DNAJA4: variants seen among roughly 807,000 people sequenced by gnomAD.
DNAJA4 encodes dnaJ homolog subfamily A member 4.
A neutral mutation model predicts 39.7 loss-of-function variants in DNAJA4; 32 were observed. The observed-to-expected ratio is 0.81, with a 90% confidence interval of 0.61 to 1.08. The LOEUF (loss-of-function observed/expected upper bound fraction) is 1.08. Ranked by LOEUF, DNAJA4 falls within the 50% of genes least tolerant of loss-of-function variation. The pLI, the probability that DNAJA4 is intolerant of heterozygous loss-of-function variation, is 0.00. For synonymous variants in DNAJA4, 184 were observed against 182.4 expected (o/e 1.01, Z -0.07); for missense variants, 439 against 505.1 (o/e 0.87, Z 1.25).
At chr15:78,272,883 G>T (rs1177229325) in intron 2 of DNAJA4, among the ~76,000 whole-genome samples, 1 of 152,190 alleles carries the variant, frequency 6.6e-6, no homozygotes, top group Non-Finnish European at 1.5e-5. Flanking sequence ...TTAGCTCATA[G>T]CTAGAGAGGG....
Position 78,273,129 on chromosome 15 carries a change from T to C in DNAJA4, c.348T>C (p.Leu116=). ...TTGTACACCAGTTATCTGTAACTCT[T>C]GAAGATCTATATAATGGAGTCACGA... The part of the protein sequence containing the change: ...KNVVHQLSVT[L]EDLYNGVTKK... Residue 116 remains leucine (L), a synonymous_variant, in exon 3 of 7, where the codon CTT becomes CTC. Coordinates refer to ENST00000394852, the MANE Select transcript of DNAJA4 (RefSeq NM_001130182.2). 6.2e-7 allele frequency: 1 copy of C among 1,604,966 alleles called. No individual in the cohort carries two copies. The highest frequency in any genetic ancestry group is 8.5e-7 in the Non-Finnish European group (1 of 1,172,952).
In DNAJA4 at chr15:78,279,218, TGAA is replaced by T. The variant is rs1439101151; in HGVS notation, c.878-823_878-821del. 6.6e-6 allele frequency: 1 copy of T among 152,254 alleles called. No homozygotes were observed. Among genetic ancestry groups the T allele is most frequent in the African/African-American group, 2.4e-5 (1 of 41,454 alleles). 9.4% of individuals were successfully genotyped at this position (152,254 alleles called of 1,614,324 possible). A position where few individuals can be genotyped will look rare whatever the true frequency, so the allele number is the denominator to read the frequency against. Reference sequence around the variant, plus strand: ...ATAGTCCCGTATGGAAGTGGACTGCTGAAGAAATTAGTGTTTCCATTCCCCTCC... The same window carrying T: ...ATAGTCCCGTATGGAAGTGGACTGCTGAAATTAGTGTTTCCATTCCCCTCC... On this transcript the variant is annotated intron_variant, in intron 5 of 6. Transcript: ENST00000394852. This position sits in a 1 kb window ranked among gnomAD's most constrained non-coding sequence, Gnocchi z 4.5.
chr15:78,265,365 C>T, intron 1 of DNAJA4: 2 of 653,876 alleles, frequency 3.1e-6, no homozygotes, highest in Non-Finnish European at 5.5e-6. Flanking sequence ...GAGCTGGTAC[C>T]TTGGACAAAC....
chr15:78,264,839 TA>T lies in DNAJA4; in HGVS notation c.77del (p.Tyr26PhefsTer89). ...GTCCCCGGAGGAGATCAAGAAGGCC[TA>T]TCGGAAGCTGGCGCTCAAGTACCAC... Reference protein sequence around the residue: ...SASPEEIKKAYRKLALKYHPD... With the variant: ...SASPEEIKKAXRKLALKYHPD... On this transcript the variant is annotated frameshift_variant, in exon 1 of 7. Coordinates refer to ENST00000394852, the MANE Select transcript of DNAJA4 (RefSeq NM_001130182.2). LOFTEE classifies it high-confidence loss of function. 6.2e-7 allele frequency: 1 copy of T among 1,607,692 alleles called. No homozygotes were observed. Among genetic ancestry groups the T allele is most frequent in the Non-Finnish European group, 8.5e-7 (1 of 1,177,724 alleles).
intron 5 of DNAJA4, among the ~76,000 whole-genome samples, chr15:78,276,955 T>C (rs2049482747): frequency 6.6e-6 from 1 of 152,250 alleles, no homozygotes; most frequent in Non-Finnish European, 1.5e-5. Context: ...CTTGGATTCT[T>C]TCAGGTTCCT....
intron 3 of DNAJA4, 49 bp downstream of exon 3, chr15:78,273,248 C>T: frequency 9.5e-7 from 1 of 1,048,230 alleles, no homozygotes; most frequent in Non-Finnish European, 1.5e-6. Flanking sequence ...CCCTTAGATT[C>T]AGAAACAATG....
Position 78,280,748 on chromosome 15 carries a change from C to T in DNAJA4, c.*288C>T, listed in dbSNP as rs1009759933. On this transcript the variant is annotated 3_prime_UTR_variant, in exon 7 of 7. Coordinates refer to ENST00000394852, the MANE Select transcript of DNAJA4 (RefSeq NM_001130182.2). The stretch of plus-strand genomic sequence containing the variant: ...TGAGATGTCAGTGATTGCACCAATA[C>T]TTTGTGCTTCTAGTGGCTTTGCCAT... The T allele has an allele frequency of 6.9e-6, 2 of 289,950 alleles. No homozygotes were observed. The highest frequency in any genetic ancestry group is 4.4e-5 in the African/African-American group (2 of 45,624). The allele number at this position is 289,950 out of a possible 1,614,324, so 18.0% of individuals were successfully genotyped here. A position where few individuals can be genotyped will look rare whatever the true frequency, so the allele number is the denominator to read the frequency against.
At position 78,267,160 on chromosome 15, in the gene DNAJA4, A is replaced by ATGTGAGTG. The variant is rs140986262; in HGVS notation, c.132+2286_132+2293dup. 8.4e-5 allele frequency among the ~76,000 whole-genome samples: 11 copies of ATGTGAGTG among 131,214 alleles called. No individual in the cohort carries two copies. The East Asian group carries it at 2.5e-3, about 29-fold the overall frequency. 86.1% of individuals were successfully genotyped at this position (131,214 alleles called of 152,430 possible). A position where few individuals can be genotyped will look rare whatever the true frequency, so the allele number is the denominator to read the frequency against. The stretch of plus-strand genomic sequence containing the variant: ...TATGTGAGTGTGTGTGTGAGTGTGT[A>ATGTGAGTG]TGTGAGTGTGTGAGTGTGTGAGTGT... On this transcript the variant is annotated intron_variant, in intron 1 of 6. Transcript: ENST00000394852.
chr15:78,274,566 A>G (rs1166311001), intron 4 of DNAJA4, 142 bp downstream of exon 4: 2 of 735,166 alleles, frequency 2.7e-6, no homozygotes, highest in African/African-American at 3.5e-5. Flanking sequence ...CTTGTTTCCC[A>G]GTCTTCTCTT....
intron 2 of DNAJA4, among the ~76,000 whole-genome samples, chr15:78,271,137 C>G (rs886973605): frequency 2.0e-5 from 3 of 152,200 alleles, no homozygotes; most frequent in Non-Finnish European, 4.4e-5. Flanking sequence ...TATCACTTGT[C>G]TAGTGCTCAG....
intron 1 of DNAJA4, among the ~76,000 whole-genome samples, chr15:78,267,268 C>T (rs958046186): frequency 9.9e-5 from 15 of 151,390 alleles, no homozygotes; most frequent in Admixed American, 2.0e-4. Context: ...ATTTTTTTTT[C>T]CTCCTAAGTT....
Position 78,273,102 on chromosome 15 carries a change from T to C in DNAJA4, c.321T>C (p.Asn107=). The change falls in exon 3 of 7, where the codon AAT becomes AAC. Residue 107 remains asparagine (N), a synonymous_variant. Transcript: ENST00000394852. ...GRMARERRGK[N]VVHQLSVTLE... ...TTTTTCTCCCTTGCTAAGGCAAGAA[T>C]GTTGTACACCAGTTATCTGTAACTC... 1 of 1,588,306 alleles carries C rather than the reference T, an allele frequency of 6.3e-7. No individual in the cohort carries two copies. The highest frequency in any genetic ancestry group is 8.6e-7 in the Non-Finnish European group (1 of 1,159,188).
Position 78,275,615 on chromosome 15 carries a change from G to A in DNAJA4, c.764G>A (p.Arg255Gln), listed in dbSNP as rs202103276. ...AAGGATCATAGTGTCTTTCAGAGAC[G>A]AGGCCATGACTTGATCATGAAAATG... is the stretch of plus-strand genomic sequence containing the variant. Reference protein sequence around the residue: ...DQKDHSVFQRRGHDLIMKMKI... With the variant: ...DQKDHSVFQRQGHDLIMKMKI... Residue 255 changes from arginine (R) to glutamine (Q), a missense_variant, in exon 5 of 7, where the codon CGA (arginine) becomes CAA (glutamine). Transcript: ENST00000394852. The A allele has an allele frequency of 1.5e-4, 245 of 1,614,038 alleles. No individual in the cohort carries two copies. Among genetic ancestry groups the A allele is most frequent in the Middle Eastern group, 3.3e-4 (2 of 6,082 alleles).
chr15:78,279,989 C>G lies in DNAJA4; in HGVS notation c.878-56C>G, dbSNP rs991361257. On this transcript the variant is annotated intron_variant, in intron 5 of 6. Transcript: ENST00000394852. This position sits in a 1 kb window ranked among gnomAD's most constrained non-coding sequence, Gnocchi z 4.5. ...CCGCAGGCTCTCCCATGAGGGAGAA[C>G]GACCTCTGCAGGCCCCTCTGCCTTC... is the stretch of plus-strand genomic sequence containing the variant. 5 of 1,548,142 alleles carry G rather than the reference C, an allele frequency of 3.2e-6. No homozygotes were observed. The highest frequency in any genetic ancestry group is 4.4e-6 in the Non-Finnish European group (5 of 1,126,204).
At position 78,264,666 on chromosome 15, in the gene DNAJA4, G is replaced by A; in HGVS notation, c.-98G>A. 1 of 1,016,790 alleles carries A rather than the reference G, an allele frequency of 9.8e-7. No homozygotes were observed. Among genetic ancestry groups the A allele is most frequent in the Non-Finnish European group, 1.2e-6 (1 of 849,408 alleles). 63.0% of individuals were successfully genotyped at this position (1,016,790 alleles called of 1,614,324 possible). ...GCGACCGTGACCGTGACGCGCGAGC[G>A]GGCGGCGGGGGCGCGGGCCAGGGGC... On this transcript the variant is annotated 5_prime_UTR_variant, in exon 1 of 7. Transcript: ENST00000394852.
At chr15:78,275,422 G>C (rs2049425453) in intron 4 of DNAJA4, 76 bp from the exon 5 acceptor site, 1 of 1,226,076 alleles carries the variant, frequency 8.2e-7, no homozygotes, top group Non-Finnish European at 1.2e-6. Flanking sequence ...GAAGGACTCT[G>C]TTCCTTCTTC....
In DNAJA4 at chr15:78,274,183, C is replaced by G; in HGVS notation, c.419-14C>G. Reference sequence around the variant, plus strand: ...AGAGCATGGCCCTCATTCCTGCCTCCCCTGACCCTGCAGGTGTTGGTGGGA... The same window carrying G: ...AGAGCATGGCCCTCATTCCTGCCTCGCCTGACCCTGCAGGTGTTGGTGGGA... On this transcript the variant is annotated splice_polypyrimidine_tract_variant and intron_variant, in intron 3 of 6. Coordinates refer to ENST00000394852, the MANE Select transcript of DNAJA4 (RefSeq NM_001130182.2). The G allele has an allele frequency of 6.2e-7, 1 of 1,610,714 alleles. No individual in the cohort carries two copies. Among genetic ancestry groups the G allele is most frequent in the Admixed American group, 1.7e-5 (1 of 59,774 alleles).
In DNAJA4 at chr15:78,266,414, C is replaced by T. The variant is rs2049124498; in HGVS notation, c.132+1519C>T. On this transcript the variant is annotated intron_variant, in intron 1 of 6. Coordinates refer to ENST00000394852, the MANE Select transcript of DNAJA4 (RefSeq NM_001130182.2). ...TGTGTAGGTTTCACCCTGTCTATAC[C>T]TGTCTGGGCAGGTTGTTTGGTTTGT... The T allele has an allele frequency of 2.7e-5, 22 of 812,562 alleles. No individual in the cohort carries two copies. In the South Asian group the frequency reaches 3.7e-4, roughly 14 times the overall value. 50.3% of individuals were successfully genotyped at this position (812,562 alleles called of 1,614,324 possible).
At chr15:78,267,176 G>GTGTGTGTGTA (rs1567115058) in intron 1 of DNAJA4, among the ~76,000 whole-genome samples, 20 of 120,746 alleles carry the variant, frequency 1.7e-4, no homozygotes, top group African/African-American at 6.1e-4. Flanking sequence ...GTGTGTGAGT[G>GTGTGTGTGTA]TGTGAGTGTG....
Sources: gnomAD v4.1 joint callset for allele counts (sites outside exome capture counted in the v4.1 genomes callset) on GRCh38, gnomAD v4.1.1 for gene constraint, Gnocchi (gnomAD v3.1) non-coding constraint, MANE v1.5 for transcripts, NCBI Gene and HGNC (gene_info 2026-07-23, HGNC 2026-07-21) for gene names.